The following SORCS3 variants were observed in gnomAD, a reference collection of about 807,000 sequenced individuals.
The protein encoded by SORCS3 is sortilin related VPS10 domain containing receptor 3.
Under a neutral mutation model 146.3 loss-of-function variants are expected in SORCS3, and 57 were observed. That is an observed-to-expected ratio of 0.39 (90% CI 0.31 to 0.49). The LOEUF (loss-of-function observed/expected upper bound fraction) is 0.49. Ranked by LOEUF, SORCS3 falls within the 20% of genes least tolerant of loss-of-function variation. The pLI, the probability that SORCS3 is intolerant of heterozygous loss-of-function variation, is 0.92. For missense variants in SORCS3, 1,341 were observed against 1,575.5 expected, an observed-to-expected ratio of 0.85 and a Z score of 2.52; for synonymous variants, 653 against 618.5, an observed-to-expected ratio of 1.06 and a Z score of -0.83.
chr10:105,019,641 G>A (rs1041888780), intron 4 of SORCS3, among the ~76,000 whole-genome samples: 2 of 152,136 alleles, frequency 1.3e-5, no homozygotes, highest in Non-Finnish European at 2.9e-5. Context: ...AATGTTAAGC[G>A]TGGCTATTTA....
intron 1 of SORCS3, among the ~76,000 whole-genome samples, chr10:104,684,277 T>A (rs577770322): frequency 2.0e-4 from 31 of 152,198 alleles, no homozygotes; most frequent in Non-Finnish European, 3.8e-4. Flanking sequence ...TCATAAAGCA[T>A]GCCTGGCATG....
chr10:104,863,187 T>G (rs1322667922), intron 2 of SORCS3, among the ~76,000 whole-genome samples: 1 of 152,234 alleles, frequency 6.6e-6, no homozygotes, highest in African/African-American at 2.4e-5. Flanking sequence ...GTTTCTCAGC[T>G]GGAAGCTTTG....
intron 3 of SORCS3, among the ~76,000 whole-genome samples, chr10:104,925,584 AG>A (rs2019136939): frequency 6.6e-6 from 1 of 152,208 alleles, no homozygotes; most frequent in Non-Finnish European, 1.5e-5. Context: ...AGGAAAAAGC[AG>A]GTTTTTGTTT....
chr10:104,847,862 T>C (rs1316740014), intron 2 of SORCS3, among the ~76,000 whole-genome samples: 1 of 152,116 alleles, frequency 6.6e-6, no homozygotes, highest in African/African-American at 2.4e-5. Context: ...TCTTCCTGTA[T>C]GCCTGGCTTC....
At chr10:104,822,034 A>G (rs1247958675) in intron 1 of SORCS3, 10 of 510,710 alleles carry the variant, frequency 2.0e-5, no homozygotes, top group African/African-American at 1.9e-4. Flanking sequence ...GCCTACTGCA[A>G]GGTCCACATT....
chr10:105,169,909 G>C (rs10509787), intron 13 of SORCS3, among the ~76,000 whole-genome samples: 32,930 of 151,930 alleles, frequency 0.22, 3,622 homozygotes, highest in African/African-American at 0.25. Context: ...AGACTTAGCT[G>C]GCCTGGTTTC....
chr10:104,733,325 A>C (rs975627840), intron 1 of SORCS3, among the ~76,000 whole-genome samples: 1 of 152,004 alleles, frequency 6.6e-6, no homozygotes, highest in African/African-American at 2.4e-5. Flanking sequence ...TCATTTGTGC[A>C]TTCACTCTTT....
chr10:105,129,284 A>AACCTCCTC (rs1314824768), intron 7 of SORCS3, among the ~76,000 whole-genome samples: 2 of 150,178 alleles, frequency 1.3e-5, no homozygotes, highest in East Asian at 3.9e-4. Context: ...TATCTTCTTT[A>AACCTCCTC]ACCTCCTCTC....
chr10:104,917,964 C>T (rs1351913672), intron 3 of SORCS3, among the ~76,000 whole-genome samples: 4 of 152,186 alleles, frequency 2.6e-5, no homozygotes, highest in African/African-American at 9.7e-5. Flanking sequence ...ATCTCTTGGA[C>T]ATACTGGTTT....
intron 5 of SORCS3, among the ~76,000 whole-genome samples, chr10:105,083,098 T>G (rs942933183): frequency 1.3e-5 from 2 of 152,184 alleles, no homozygotes; most frequent in South Asian, 4.1e-4. Context: ...TTCACATATT[T>G]ATTTTGTCCT....
intron 1 of SORCS3, among the ~76,000 whole-genome samples, chr10:104,696,614 A>C (rs1337401673): frequency 1.1e-5 from 1 of 92,220 alleles, no homozygotes; most frequent in African/African-American, 4.5e-5. Context: ...TATATATAAT[A>C]TATATTATAT....
At chr10:105,063,939 A>T (rs1408160115) in intron 5 of SORCS3, among the ~76,000 whole-genome samples, 1 of 152,244 alleles carries the variant, frequency 6.6e-6, no homozygotes, top group African/African-American at 2.4e-5. Flanking sequence ...GTGTTCCTGT[A>T]GTCCTCTCTA....
intron 14 of SORCS3, among the ~76,000 whole-genome samples, chr10:105,191,222 T>G (rs982697997): frequency 2.0e-5 from 3 of 152,100 alleles, no homozygotes; most frequent in African/African-American, 7.2e-5. Flanking sequence ...TTGATACATT[T>G]TGGAAGTGCT....
At chr10:105,061,891 C>A (rs547344765) in intron 5 of SORCS3, among the ~76,000 whole-genome samples, 13 of 152,166 alleles carry the variant, frequency 8.5e-5, no homozygotes, top group African/African-American at 2.9e-4. Flanking sequence ...GGGCTGCCAC[C>A]AGGGGAGGGG....
chr10:104,673,187 C>A (rs189257257), intron 1 of SORCS3, among the ~76,000 whole-genome samples: 31 of 152,214 alleles, frequency 2.0e-4, no homozygotes, highest in African/African-American at 7.5e-4. Flanking sequence ...ATAATTGGAT[C>A]ATGTTTTAAC....
At chr10:104,758,395 T>C (rs558131905) in intron 1 of SORCS3, among the ~76,000 whole-genome samples, 2 of 152,324 alleles carry the variant, frequency 1.3e-5, no homozygotes, top group East Asian at 1.9e-4. Flanking sequence ...ATCTCACTCA[T>C]TTATTCCTTT....
intron 5 of SORCS3, among the ~76,000 whole-genome samples, chr10:105,087,527 A>G (rs1178445970): frequency 6.6e-6 from 1 of 151,236 alleles, no homozygotes; most frequent in Non-Finnish European, 1.5e-5. Flanking sequence ...GTGGCTTCAG[A>G]ACAAATAAAG....
chr10:104,895,317 A>G (rs1426710600), intron 2 of SORCS3, among the ~76,000 whole-genome samples: 1 of 152,196 alleles, frequency 6.6e-6, no homozygotes, highest in African/African-American at 2.4e-5. Flanking sequence ...GGTAGACAGC[A>G]GAGGAAAGAT....
At chr10:104,823,818 G>A (rs1404975324) in intron 1 of SORCS3, among the ~76,000 whole-genome samples, 1 of 152,198 alleles carries the variant, frequency 6.6e-6, no homozygotes, top group African/African-American at 2.4e-5. Flanking sequence ...AAATAAGGTA[G>A]CAGTCAGCTG....
Sources: allele counts gnomAD v4.1 joint callset (sites outside exome capture counted in the v4.1 genomes callset), GRCh38; gene constraint gnomAD v4.1.1; transcripts MANE v1.5; gene names NCBI Gene and HGNC (gene_info 2026-07-23, HGNC 2026-07-21).